The following RAB30 variants were observed in gnomAD, a reference collection of about 807,000 sequenced individuals.
RAB30 encodes RAB30, member RAS oncogene family.
In RAB30, 9 loss-of-function variants were observed where a neutral mutation model predicts 25.1. The observed-to-expected ratio is 0.36, with a 90% confidence interval of 0.22 to 0.63. The LOEUF (loss-of-function observed/expected upper bound fraction) is 0.63. Ranked by LOEUF, RAB30 falls within the 20% of genes least tolerant of loss-of-function variation. The pLI is 0.69. For synonymous variants in RAB30, 77 were observed against 86.4 expected (o/e 0.89, Z 0.60); for missense variants, 140 against 243.5 (o/e 0.58, Z 2.83).
At chr11:83,057,530 A>T (rs1350720114) in intron 1 of RAB30, among the ~76,000 whole-genome samples, 3 of 152,200 alleles carry the variant, frequency 2.0e-5, no homozygotes, top group Admixed American at 2.0e-4. Flanking sequence ...ATGGCTAATT[A>T]AAATAGCTCT....
At chr11:83,034,025 A>G (rs1156260209) in intron 1 of RAB30, 1 of 152,292 alleles carries the variant, frequency 6.6e-6, no homozygotes, top group African/African-American at 2.4e-5. Context: ...CTGTAACAGG[A>G]TTCTCTCTGC....
chr11:83,011,449 C>A (rs181645842), intron 1 of RAB30, among the ~76,000 whole-genome samples: 38 of 152,268 alleles, frequency 2.5e-4, no homozygotes, highest in African/African-American at 8.7e-4. Context: ...GAATATTGTA[C>A]CACTATGACA....
chr11:82,998,378 C>A (rs886387362), intron 1 of RAB30, among the ~76,000 whole-genome samples: 1 of 151,970 alleles, frequency 6.6e-6, no homozygotes, highest in African/African-American at 2.4e-5. Context: ...TTAAAACTTA[C>A]AAAAGAACCT....
intron 1 of RAB30, among the ~76,000 whole-genome samples, chr11:83,048,336 GT>G (rs1300426160): frequency 6.6e-6 from 1 of 151,958 alleles, no homozygotes; most frequent in Non-Finnish European, 1.5e-5. Context: ...GCCAAATGTG[GT>G]GGCACATGCC....
At chr11:83,058,663 G>A (rs1257087785) in intron 1 of RAB30, among the ~76,000 whole-genome samples, 1 of 152,220 alleles carries the variant, frequency 6.6e-6, no homozygotes, top group East Asian at 1.9e-4. Flanking sequence ...AGTGGTGTCT[G>A]CCTTGTTTCT....
chr11:83,032,475 T>C lies in RAB30; in HGVS notation c.-8-35151A>G, dbSNP rs768133920. On this transcript the variant is annotated intron_variant, in intron 1 of 4. Coordinates refer to ENST00000527633, the MANE Select transcript of RAB30 (RefSeq NM_001286060.2). ...TACAAATAATGTTCCATCTGATAAA[T>C]TGGATGGCAAATTCACAATTTTCTT... 1.3e-4 allele frequency among the ~76,000 whole-genome samples: 20 copies of C among 152,212 alleles called. 2 individuals are homozygous for C. Among genetic ancestry groups the C allele is most frequent in the East Asian group, 7.7e-4 (4 of 5,186 alleles).
At chr11:83,061,377 A>G (rs1858573208) in intron 1 of RAB30, among the ~76,000 whole-genome samples, 1 of 152,232 alleles carries the variant, frequency 6.6e-6, no homozygotes, top group Admixed American at 6.5e-5. Context: ...AGTAGTCTTG[A>G]TAAGATTCTG....
intron 4 of RAB30, chr11:82,987,303 A>C (rs952807370): frequency 8.5e-6 from 2 of 236,522 alleles, no homozygotes; most frequent in Non-Finnish European, 1.6e-5. Flanking sequence ...TCTTGTAATT[A>C]GACTTTTTAA....
intron 1 of RAB30, among the ~76,000 whole-genome samples, chr11:83,028,164 G>A (rs541456695): frequency 2.0e-5 from 3 of 152,230 alleles, no homozygotes; most frequent in African/African-American, 7.2e-5. Flanking sequence ...AACAAAAATA[G>A]GATGCTATAT....
rs530070472 is a variant in RAB30 at position 82,980,820 on chromosome 11, G to A, written c.*1345C>T. On this transcript the variant is annotated 3_prime_UTR_variant, in exon 5 of 5. Transcript: ENST00000527633. ...GATTTGCAGTAACACAGGCATATAAGGATGGGAGGGAAGGAGGGAGGGAGG... is the reference window on the plus strand; with the variant it reads ...GATTTGCAGTAACACAGGCATATAAAGATGGGAGGGAAGGAGGGAGGGAGG... 1 of 151,578 alleles carries A rather than the reference G, an allele frequency of 6.6e-6. No homozygotes were observed. Among genetic ancestry groups the A allele is most frequent in the South Asian group, 2.1e-4 (1 of 4,776 alleles). The allele number at this position is 151,578 out of a possible 1,614,324, so 9.4% of individuals were successfully genotyped here.
At chr11:83,017,842 G>A (rs913701108) in intron 1 of RAB30, among the ~76,000 whole-genome samples, 2 of 152,204 alleles carry the variant, frequency 1.3e-5, no homozygotes, top group Non-Finnish European at 2.9e-5. Flanking sequence ...ATAAACATGT[G>A]TGTGCAAGTG....
At position 82,977,593 on chromosome 11, in the gene RAB30, G is replaced by A. The variant is rs1484322686; in HGVS notation, c.*4572C>T. The A allele has an allele frequency of 2.6e-5, 4 of 152,026 alleles. No homozygotes were observed. The highest frequency in any genetic ancestry group is 1.9e-4 in the East Asian group (1 of 5,196). 9.4% of individuals were successfully genotyped at this position (152,026 alleles called of 1,614,324 possible). On this transcript the variant is annotated 3_prime_UTR_variant, in exon 5 of 5. Coordinates refer to ENST00000527633, the MANE Select transcript of RAB30 (RefSeq NM_001286060.2). The stretch of plus-strand genomic sequence containing the variant: ...ATGGAACCCAAATCTGTGTCCCTAC[G>A]GCCTCATTCAGTAGGCCTCATTCCA...
intron 4 of RAB30, chr11:82,987,064 TC>T (rs2121439977): frequency 6.6e-6 from 1 of 152,288 alleles, no homozygotes; most frequent in Admixed American, 6.5e-5. Flanking sequence ...TTTTGTGCTT[TC>T]CCCCCATACT....
At chr11:83,016,813 C>A (rs138681321) in intron 1 of RAB30, among the ~76,000 whole-genome samples, 8 of 152,324 alleles carry the variant, frequency 5.3e-5, no homozygotes, top group Non-Finnish European at 1.0e-4. Context: ...ACACACACCC[C>A]CTTCTCACTT....
At chr11:83,008,708 T>C (rs1857239980) in intron 1 of RAB30, among the ~76,000 whole-genome samples, 1 of 152,000 alleles carries the variant, frequency 6.6e-6, no homozygotes, top group Non-Finnish European at 1.5e-5. Context: ...TCACACAGCA[T>C]ACCATAACCT....
chr11:82,979,385 C>G lies in RAB30; in HGVS notation c.*2780G>C, dbSNP rs1856601422. 1 of 152,166 alleles carries G rather than the reference C, an allele frequency of 6.6e-6. No homozygotes were observed. The highest frequency in any genetic ancestry group is 1.5e-5 in the Non-Finnish European group (1 of 68,016). The allele number at this position is 152,166 out of a possible 1,614,324, so 9.4% of individuals were successfully genotyped here. On this transcript the variant is annotated 3_prime_UTR_variant, in exon 5 of 5. Transcript: ENST00000527633. ...AGCCAAATTAAACTATATGATAAAG[C>G]AATTTCTCTTTTTTCATCCACCACT...
At chr11:83,039,645 C>CTCCA (rs1858061954) in intron 1 of RAB30, among the ~76,000 whole-genome samples, 1 of 152,126 alleles carries the variant, frequency 6.6e-6, no homozygotes, top group Non-Finnish European at 1.5e-5. Context: ...CGCCACTGTA[C>CTCCA]TCCAGCCTGG....
At chr11:83,046,279 G>C (rs1292207803) in intron 1 of RAB30, among the ~76,000 whole-genome samples, 1 of 152,168 alleles carries the variant, frequency 6.6e-6, no homozygotes, top group Non-Finnish European at 1.5e-5. Flanking sequence ...CTATACATAT[G>C]CAAGGTGAGT....
chr11:82,999,234 T>C (rs1857023093), intron 1 of RAB30, among the ~76,000 whole-genome samples: 1 of 152,244 alleles, frequency 6.6e-6, no homozygotes, highest in Non-Finnish European at 1.5e-5. Flanking sequence ...TTTTACAGAT[T>C]AGTGAACTGA....
Sources: allele counts gnomAD v4.1 joint callset (sites outside exome capture counted in the v4.1 genomes callset), GRCh38; gene constraint gnomAD v4.1.1; transcripts MANE v1.5; gene names NCBI Gene and HGNC (gene_info 2026-07-23, HGNC 2026-07-21).